C6orf52: variants seen among roughly 807,000 people sequenced by gnomAD.
C6orf52 encodes the protein putative uncharacterized protein C6orf52.
A neutral mutation model predicts 16.6 loss-of-function variants in C6orf52; 16 were observed. The observed-to-expected ratio is 0.96, with a 90% CI of 0.65 to 1.46. The LOEUF (loss-of-function observed/expected upper bound fraction) is 1.46, where lower values mean the gene tolerates loss of function less well. C6orf52 is among the 40% of genes most tolerant of loss of function. The pLI, the probability that C6orf52 is intolerant of heterozygous loss-of-function variation, is 0.00. For missense variants in C6orf52, 166 were observed against 182.3 expected (o/e 0.91, Z 0.52); for synonymous variants, 53 against 61.4 (o/e 0.86, Z 0.64).
chr6:10,689,338 A>G (rs910528913), intron 1 of C6orf52, among the ~76,000 whole-genome samples: 1 of 152,304 alleles, frequency 6.6e-6, no homozygotes, highest in South Asian at 2.1e-4. Flanking sequence ...CTGAGGGCCG[A>G]TGGTATCCGC....
intron 3 of C6orf52, among the ~76,000 whole-genome samples, chr6:10,686,436 G>T (rs1002031757): frequency 6.6e-6 from 1 of 152,048 alleles, no homozygotes; most frequent in Non-Finnish European, 1.5e-5. Context: ...GTGTGGGGGG[G>T]AACTTTTCCC....
rs141663798 is a variant in C6orf52, at chr6:10,679,168, G to A, written c.316+4019C>T. On this transcript the variant is annotated intron_variant, in intron 4 of 4. Coordinates refer to ENST00000259983, the MANE Select transcript of C6orf52 (RefSeq NM_001145020.3). ...GAAATAGTTTATTGCGGCTGGGCAC[G>A]GTGGCTCATGCCTGCAATCCCAGCA... 5.1e-4 allele frequency among the ~76,000 whole-genome samples: 78 copies of A among 151,640 alleles called. 1 individual carries two copies. In the East Asian group the frequency reaches 0.012, roughly 23 times the overall value.
intron 1 of C6orf52, among the ~76,000 whole-genome samples, chr6:10,688,932 C>A (rs1311439636): frequency 6.6e-6 from 1 of 152,220 alleles, no homozygotes; most frequent in African/African-American, 2.4e-5. Context: ...CTGCCTCAAC[C>A]TCCCCAGTAG....
chr6:10,691,100 TCA>T (rs1251776968), intron 1 of C6orf52, among the ~76,000 whole-genome samples: 2 of 152,202 alleles, frequency 1.3e-5, no homozygotes, highest in African/African-American at 4.8e-5. Flanking sequence ...CTTGAAAAAG[TCA>T]CTTCTCCAGA....
chr6:10,683,106 CAGTTTCT>C, intron 4 of C6orf52, 74 bp downstream of exon 4: 6 of 911,664 alleles, frequency 6.6e-6, no homozygotes, highest in Non-Finnish European at 9.9e-6. Context: ...TAGAACCTTC[CAGTTTCT>C]AGCAAGCTGA....
At position 10,687,545 on chromosome 6, in the gene C6orf52, G is replaced by A. The variant is rs1768960020; in HGVS notation, c.6C>T (p.Ala2=). Residue 2 remains alanine (A), a synonymous_variant, in exon 2 of 5, where the codon GCC becomes GCT. Coordinates refer to ENST00000259983, the MANE Select transcript of C6orf52 (RefSeq NM_001145020.3). M[A]QPESSADFGI... ...CAAAATCTGCAGAACTCTCTGGTTG[G>A]GCCATTTACCCAGAAACTTTACAAA... 6.5e-7 allele frequency: 1 copy of A among 1,549,140 alleles called. No homozygotes were observed. The highest frequency in any genetic ancestry group is 1.4e-5 in the African/African-American group (1 of 72,858).
intron 1 of C6orf52, among the ~76,000 whole-genome samples, chr6:10,692,041 A>T (rs1471506611): frequency 2.0e-5 from 3 of 152,208 alleles, no homozygotes; most frequent in Non-Finnish European, 4.4e-5. Flanking sequence ...AAAGTGTATT[A>T]AACAAGTATT....
chr6:10,688,133 C>CCTT (rs60495862), intron 1 of C6orf52, among the ~76,000 whole-genome samples: 16,350 of 152,070 alleles, frequency 0.11, 2,683 homozygotes, highest in African/African-American at 0.36. Flanking sequence ...CTTCTCTCCT[C>CCTT]TTCTCTTACG....
chr6:10,693,845 C>T (rs1252728459), intron 1 of C6orf52, among the ~76,000 whole-genome samples: 1 of 152,226 alleles, frequency 6.6e-6, no homozygotes, highest in African/African-American at 2.4e-5. Flanking sequence ...CCTCCCACCT[C>T]AGCCTTCCGA....
chr6:10,689,988 G>A (rs1223239755), intron 1 of C6orf52, among the ~76,000 whole-genome samples: 1 of 152,004 alleles, frequency 6.6e-6, no homozygotes, highest in Non-Finnish European at 1.5e-5. Context: ...TCTCACTTTA[G>A]GACTGACTTT....
At chr6:10,673,842 G>C (rs1767633936) in intron 4 of C6orf52, among the ~76,000 whole-genome samples, 2 of 151,974 alleles carry the variant, frequency 1.3e-5, no homozygotes, top group Admixed American at 1.3e-4. Context: ...TGCAGGTGAG[G>C]GGGCAGCCAT....
At chr6:10,693,927 A>G (rs1022418885) in intron 1 of C6orf52, among the ~76,000 whole-genome samples, 1 of 152,112 alleles carries the variant, frequency 6.6e-6, no homozygotes, top group African/African-American at 2.4e-5. Context: ...CGGCATCAAA[A>G]TATGTTGCTC....
chr6:10,671,667 ATTAGAAAGCTT>A (rs1767436520), intron 4 of C6orf52, 69 bp from the exon 5 acceptor site: 7 of 1,075,824 alleles, frequency 6.5e-6, no homozygotes, highest in Non-Finnish European at 9.0e-6. Flanking sequence ...ATAGTTTAAA[ATTAGAAAGCTT>A]TTAGAAAGCA....
intron 1 of C6orf52, among the ~76,000 whole-genome samples, chr6:10,692,430 A>G (rs1182969379): frequency 6.6e-6 from 1 of 152,198 alleles, no homozygotes; most frequent in Non-Finnish European, 1.5e-5. Context: ...GAAGATAACT[A>G]GCACAAAGTA....
At chr6:10,693,079 T>G (rs1465744905) in intron 1 of C6orf52, among the ~76,000 whole-genome samples, 1 of 152,214 alleles carries the variant, frequency 6.6e-6, no homozygotes, top group African/African-American at 2.4e-5. Context: ...ATAACTCTGT[T>G]AAGCCCTATT....
At chr6:10,680,155 G>A (rs1768249273) in intron 4 of C6orf52, among the ~76,000 whole-genome samples, 1 of 152,096 alleles carries the variant, frequency 6.6e-6, no homozygotes, top group South Asian at 2.1e-4. Context: ...TTGGGAGGCT[G>A]AGATGGGAGG....
chr6:10,682,074 A>G (rs577019725), intron 4 of C6orf52, among the ~76,000 whole-genome samples: 4 of 152,280 alleles, frequency 2.6e-5, no homozygotes, highest in African/African-American at 9.6e-5. Context: ...CTGGTATTCA[A>G]TTTGTGAGGT....
At chr6:10,691,551 T>G (rs995915524) in intron 1 of C6orf52, among the ~76,000 whole-genome samples, 1 of 152,112 alleles carries the variant, frequency 6.6e-6, no homozygotes, top group African/African-American at 2.4e-5. Context: ...GCCCAGAGTG[T>G]GGTGCCGAGC....
At chr6:10,679,995 G>A (rs1404766741) in intron 4 of C6orf52, among the ~76,000 whole-genome samples, 4 of 152,206 alleles carry the variant, frequency 2.6e-5, no homozygotes, top group Non-Finnish European at 5.9e-5. Context: ...GCTCATGCCC[G>A]TAATCCCAGA....
Sources: gnomAD v4.1 joint callset for allele counts (sites outside exome capture counted in the v4.1 genomes callset) on GRCh38, gnomAD v4.1.1 for gene constraint, MANE v1.5 for transcripts, NCBI Gene and HGNC (gene_info 2026-07-23, HGNC 2026-07-21) for gene names.